TSHZ3: variants seen among roughly 807,000 people sequenced by gnomAD.
TSHZ3 encodes teashirt zinc finger homeobox 3.
In TSHZ3, 10 loss-of-function variants were observed where a neutral mutation model predicts 64.5. The observed-to-expected ratio is 0.16, with a 90% CI of 0.10 to 0.26. TSHZ3 has a LOEUF of 0.26. TSHZ3 is among the 10% of genes least tolerant of loss of function. The probability of loss-of-function intolerance (pLI) is 1.00; values close to 1 mark genes in which losing one functional copy is unlikely to be tolerated. For synonymous variants in TSHZ3, 608 were observed against 593.1 expected (o/e 1.03, Z -0.36); for missense variants, 1,242 against 1,421.7 (o/e 0.87, Z 2.03).
At chr19:31,235,968 C>T (rs1975608638) in intron 3 of TSHZ3, among the ~76,000 whole-genome samples, 1 of 152,092 alleles carries the variant, frequency 6.6e-6, no homozygotes, top group East Asian at 1.9e-4. Flanking sequence ...TCCCAAAGGG[C>T]TGGAATTACA....
chr19:31,217,978 C>T (rs976338367), intron 4 of TSHZ3, among the ~76,000 whole-genome samples: 1 of 152,138 alleles, frequency 6.6e-6, no homozygotes, highest in African/African-American at 2.4e-5. Context: ...TCTAGATGGC[C>T]TAGGATTTGG....
At chr19:31,258,310 G>A (rs1406987742) in intron 1 of TSHZ3, among the ~76,000 whole-genome samples, 2 of 152,150 alleles carry the variant, frequency 1.3e-5, no homozygotes, top group Non-Finnish European at 2.9e-5. Context: ...ACACAGGAAC[G>A]CAGATTCCAG....
intron 4 of TSHZ3, among the ~76,000 whole-genome samples, chr19:31,227,445 T>C (rs1167608951): frequency 6.6e-6 from 1 of 152,158 alleles, no homozygotes; most frequent in Non-Finnish European, 1.5e-5. Context: ...CTGGAATTGC[T>C]ATGCTGGTAG....
chr19:31,257,381 G>A (rs1455996811), intron 1 of TSHZ3, among the ~76,000 whole-genome samples: 1 of 152,200 alleles, frequency 6.6e-6, no homozygotes, highest in Non-Finnish European at 1.5e-5. Flanking sequence ...CAGAGCTGAG[G>A]CAAAACAGTA....
chr19:31,184,423 C>T (rs1195107507), intron 5 of TSHZ3, among the ~76,000 whole-genome samples: 2 of 151,584 alleles, frequency 1.3e-5, no homozygotes, highest in African/African-American at 4.9e-5. Context: ...TGGAGAGAGG[C>T]ATTTCTTTGC....
intron 1 of TSHZ3, among the ~76,000 whole-genome samples, chr19:31,250,914 AC>A (rs1975831438): frequency 6.6e-6 from 1 of 152,116 alleles, no homozygotes. Flanking sequence ...TGGAGTGCTC[AC>A]CACCTAGATG....
At chr19:31,167,938 A>G (rs1417206313) in intron 5 of TSHZ3, 1 of 152,214 alleles carries the variant, frequency 6.6e-6, no homozygotes, top group Non-Finnish European at 1.5e-5. Context: ...GCTCAAATGT[A>G]AGTCACATAT....
intron 1 of TSHZ3, among the ~76,000 whole-genome samples, chr19:31,302,752 C>T (rs1259935620): frequency 2.6e-5 from 4 of 152,156 alleles, no homozygotes; most frequent in African/African-American, 9.7e-5. Flanking sequence ...ATGCCACATT[C>T]ATCCTCAAAT....
At chr19:31,268,788 T>G (rs1976092591) in intron 1 of TSHZ3, among the ~76,000 whole-genome samples, 1 of 152,146 alleles carries the variant, frequency 6.6e-6, no homozygotes, top group African/African-American at 2.4e-5. Flanking sequence ...TGTACAATCT[T>G]GGCTGGAAGG....
At chr19:31,257,590 C>T (rs183423684) in intron 1 of TSHZ3, among the ~76,000 whole-genome samples, 1 of 152,318 alleles carries the variant, frequency 6.6e-6, no homozygotes, top group East Asian at 1.9e-4. Flanking sequence ...AAGGAAGGCT[C>T]CTCCGCTGTT....
chr19:31,276,255 T>C lies in TSHZ3; in HGVS notation c.*292A>G. ...GTTATAAATGCTTAATTAAACTGTC[T>C]GTTAATGCATGCAGCTTGAAGCATC... On this transcript the variant is annotated 3_prime_UTR_variant, in exon 2 of 2. Coordinates refer to ENST00000240587, the MANE Select transcript of TSHZ3 (RefSeq NM_020856.4). 3.6e-6 allele frequency: 1 copy of C among 276,022 alleles called. No individual in the cohort carries two copies. Among genetic ancestry groups the C allele is most frequent in the Non-Finnish European group, 6.8e-6 (1 of 147,670 alleles). The allele number at this position is 276,022 out of a possible 1,614,324, so 17.1% of individuals were successfully genotyped here.
intron 1 of TSHZ3, among the ~76,000 whole-genome samples, chr19:31,310,602 G>A (rs1916431746): frequency 6.6e-6 from 1 of 152,130 alleles, no homozygotes. Flanking sequence ...GCAGGGAAAG[G>A]GGTGGGCAGA....
chr19:31,247,972 C>T (rs1321121114), intron 1 of TSHZ3, among the ~76,000 whole-genome samples: 1 of 152,062 alleles, frequency 6.6e-6, no homozygotes, highest in African/African-American at 2.4e-5. Flanking sequence ...CTCACAGTTC[C>T]ACATGGCTGG....
chr19:31,312,825 A>G (rs1916498253), intron 1 of TSHZ3, among the ~76,000 whole-genome samples: 1 of 152,122 alleles, frequency 6.6e-6, no homozygotes, highest in Non-Finnish European at 1.5e-5. Flanking sequence ...ACACTTGCTA[A>G]TCCCCCTTTT....
intron 3 of TSHZ3, among the ~76,000 whole-genome samples, chr19:31,232,574 A>G (rs1975554845): frequency 6.6e-6 from 1 of 152,212 alleles, no homozygotes; most frequent in South Asian, 2.1e-4. Context: ...TTAAAATAGC[A>G]AAATACACAC....
chr19:31,162,220 C>T (rs374376868), intron 5 of TSHZ3, among the ~76,000 whole-genome samples: 2 of 152,078 alleles, frequency 1.3e-5, no homozygotes, highest in South Asian at 2.1e-4. Context: ...GCCTGGCCCA[C>T]AGTAGGTACT....
In TSHZ3 at chr19:31,279,994, A is replaced by T. The variant is rs1209242226; in HGVS notation, c.41-242T>A. On this transcript the variant is annotated intron_variant, in intron 1 of 1. Transcript: ENST00000240587. This position sits in a 1 kb window ranked among gnomAD's most constrained non-coding sequence, Gnocchi z 6.4. ...ATCTGCTCTTCAAACATAATTTGCCACCTTATTCTTCTCAAGGGGCAACAG... is the reference window on the plus strand; with the variant it reads ...ATCTGCTCTTCAAACATAATTTGCCTCCTTATTCTTCTCAAGGGGCAACAG... 6.6e-6 allele frequency among the ~76,000 whole-genome samples: 1 copy of T among 151,750 alleles called. No homozygotes were observed. Among genetic ancestry groups the T allele is most frequent in the African/African-American group, 2.4e-5 (1 of 41,332 alleles).
chr19:31,349,065 G>A (rs1385166444), intron 1 of TSHZ3, 115 bp downstream of exon 1: 2 of 1,341,894 alleles, frequency 1.5e-6, no homozygotes, highest in Admixed American at 2.3e-5. Flanking sequence ...GGCGCCCGGA[G>A]TTACTCAGTG....
intron 1 of TSHZ3, among the ~76,000 whole-genome samples, chr19:31,330,600 C>T (rs562648343): frequency 1.3e-5 from 2 of 151,982 alleles, no homozygotes; most frequent in South Asian, 4.1e-4. Flanking sequence ...CAGGGAATGG[C>T]GGGGTGCAAA....
Sources: allele counts gnomAD v4.1 joint callset (sites outside exome capture counted in the v4.1 genomes callset), GRCh38; gene constraint gnomAD v4.1.1; non-coding constraint Gnocchi (gnomAD v3.1); transcripts MANE v1.5; gene names NCBI Gene and HGNC (gene_info 2026-07-23, HGNC 2026-07-21).